Variants in GALNT17 observed in about 807,000 individuals in gnomAD.
GALNT17 encodes UDP-GalNAc:polypeptide N-acetylgalactosaminyltransferase-like 3.
A neutral mutation model predicts 63.7 loss-of-function variants in GALNT17; 29 were observed. That is an observed-to-expected ratio of 0.46 (90% CI 0.34 to 0.62). GALNT17 has a LOEUF of 0.62. GALNT17 is among the 20% of genes least tolerant of loss of function. The pLI is 0.01. For missense variants in GALNT17, 603 were observed against 799.6 expected (o/e 0.75, Z 2.97); for synonymous variants, 305 against 318.3 (o/e 0.96, Z 0.45).
At chr7:71,677,671 C>A (rs993497585) in intron 9 of GALNT17, among the ~76,000 whole-genome samples, 1 of 151,900 alleles carries the variant, frequency 6.6e-6, no homozygotes, top group Non-Finnish European at 1.5e-5. Flanking sequence ...CCCGCCACTG[C>A]GCCCAGCTAA....
At chr7:71,440,281 C>T (rs1787041675) in intron 5 of GALNT17, among the ~76,000 whole-genome samples, 1 of 152,010 alleles carries the variant, frequency 6.6e-6, no homozygotes, top group East Asian at 1.9e-4. Flanking sequence ...CTCTGAAATT[C>T]AGTTCAGGGC....
intron 5 of GALNT17, among the ~76,000 whole-genome samples, chr7:71,501,023 G>A (rs1180004881): frequency 6.6e-6 from 1 of 152,022 alleles, no homozygotes; most frequent in Non-Finnish European, 1.5e-5. Context: ...AGGCTGGAGT[G>A]CAGTGGTGTG....
intron 1 of GALNT17, among the ~76,000 whole-genome samples, chr7:71,201,241 T>TATATATATATATATATATATATTAATA: frequency 7.2e-6 from 1 of 138,438 alleles, no homozygotes; most frequent in Admixed American, 7.1e-5. Context: ...GTGTTTATTT[T>TATATATATATATATATATATATTAATA]TATATATATA....
rs183380915 is a variant in GALNT17 at position 71,561,082 on chromosome 7, G to A, written c.963-10203G>A. Among the ~76,000 whole-genome samples, 149 of 152,152 alleles carry A rather than the reference G, an allele frequency of 9.8e-4. 5 individuals carry two copies. In the East Asian group the frequency reaches 0.025, roughly 26 times the overall value. On this transcript the variant is annotated intron_variant, in intron 5 of 10. Transcript: ENST00000333538. ...GGCTGGAGTGCAGTGGCATGATCTT[G>A]GCTCACTGCAACCTCCACCTCCCGG...
intron 1 of GALNT17, among the ~76,000 whole-genome samples, chr7:71,301,804 A>G (rs992936041): frequency 3.9e-5 from 6 of 152,248 alleles, no homozygotes; most frequent in Non-Finnish European, 8.8e-5. Context: ...TAGGTAAATT[A>G]CAAAGTACAC....
intron 1 of GALNT17, among the ~76,000 whole-genome samples, chr7:71,216,477 G>A (rs760269546): frequency 6.6e-6 from 1 of 152,120 alleles, no homozygotes. Flanking sequence ...GCTTTTGGAG[G>A]GGAGAGGGCA....
At chr7:71,614,605 T>G in intron 6 of GALNT17, among the ~76,000 whole-genome samples, 2 of 141,838 alleles carry the variant, frequency 1.4e-5, no homozygotes, top group South Asian at 2.3e-4. Flanking sequence ...GGTGACAGAG[T>G]GAGACCTTTT....
chr7:71,263,309 AG>A (rs1472524866), intron 1 of GALNT17, among the ~76,000 whole-genome samples: 2 of 152,054 alleles, frequency 1.3e-5, no homozygotes, highest in African/African-American at 4.8e-5. Flanking sequence ...CAGTGAGCTG[AG>A]ATTGCGCTAC....
intron 1 of GALNT17, among the ~76,000 whole-genome samples, chr7:71,182,614 T>G: frequency 6.6e-6 from 1 of 152,134 alleles, no homozygotes; most frequent in South Asian, 2.1e-4. Flanking sequence ...GAGTCTTGTT[T>G]CTGAAGTCTC....
chr7:71,502,089 C>G (rs1328057934), intron 5 of GALNT17, among the ~76,000 whole-genome samples: 3 of 152,158 alleles, frequency 2.0e-5, no homozygotes, highest in Non-Finnish European at 4.4e-5. Flanking sequence ...TCCCACTGGC[C>G]TTTCAACATA....
intron 1 of GALNT17, among the ~76,000 whole-genome samples, chr7:71,235,630 AG>A (rs1415680220): frequency 1.3e-5 from 2 of 152,360 alleles, no homozygotes; most frequent in Admixed American, 1.3e-4. Flanking sequence ...CTGAAAAGTC[AG>A]GCTTTTATCA....
chr7:71,702,513 G>A (rs919703084), intron 9 of GALNT17, among the ~76,000 whole-genome samples: 11 of 152,300 alleles, frequency 7.2e-5, no homozygotes, highest in African/African-American at 2.2e-4. Flanking sequence ...AAGACCCATC[G>A]CAAGGATCTT....
intron 1 of GALNT17, among the ~76,000 whole-genome samples, chr7:71,237,506 T>A (rs1583787269): frequency 9.1e-6 from 1 of 109,886 alleles, no homozygotes. Context: ...TAAGATCCCA[T>A]CTCTGAAAAA....
intron 5 of GALNT17, among the ~76,000 whole-genome samples, chr7:71,532,223 T>G (rs1381513370): frequency 6.6e-6 from 1 of 152,124 alleles, no homozygotes; most frequent in Non-Finnish European, 1.5e-5. Context: ...ATTGGCAGAA[T>G]CTAATTTTAT....
chr7:71,133,148 C>T, intron 1 of GALNT17, 108 bp downstream of exon 1: 1 of 950,630 alleles, frequency 1.1e-6, no homozygotes, highest in Non-Finnish European at 1.5e-6. Context: ...CCGGCACACC[C>T]TGGCTCCCGC....
intron 9 of GALNT17, among the ~76,000 whole-genome samples, chr7:71,689,265 AG>A (rs1469646717): frequency 1.3e-5 from 2 of 152,170 alleles, no homozygotes; most frequent in African/African-American, 4.8e-5. Context: ...AGCTTTAGTG[AG>A]GAAGACAAGT....
Position 71,657,752 on chromosome 7 carries a change from C to T in GALNT17, c.1081-7659C>T, listed in dbSNP as rs140408997. Among the ~76,000 whole-genome samples, 538 of 152,296 alleles carry T rather than the reference C, an allele frequency of 3.5e-3. 3 individuals carry two copies. The highest frequency in any genetic ancestry group is 0.013 in the African/African-American group (525 of 41,560). ...CTACACATCTCAATCCCATGGGGGG[C>T]CTTTTTACATACACCCAGGTGCCTC... On this transcript the variant is annotated intron_variant, in intron 6 of 10. Coordinates refer to ENST00000333538, the MANE Select transcript of GALNT17 (RefSeq NM_022479.3).
chr7:71,308,746 T>G (rs1791355746), intron 1 of GALNT17, among the ~76,000 whole-genome samples: 2 of 147,490 alleles, frequency 1.4e-5, no homozygotes, highest in Admixed American at 1.4e-4. Flanking sequence ...TCTCTTTAGT[T>G]TTTTTTTTTT....
intron 9 of GALNT17, among the ~76,000 whole-genome samples, chr7:71,705,426 G>T (rs1791709142): frequency 6.6e-6 from 1 of 152,102 alleles, no homozygotes; most frequent in African/African-American, 2.4e-5. Flanking sequence ...AGTGTAAAAT[G>T]GTACAGCTGC....
Sources: allele counts gnomAD v4.1 joint callset (sites outside exome capture counted in the v4.1 genomes callset), GRCh38; gene constraint gnomAD v4.1.1; transcripts MANE v1.5; gene names NCBI Gene and HGNC (gene_info 2026-07-23, HGNC 2026-07-21).